Variants in DPP10 observed in about 807,000 individuals in gnomAD.
DPP10 encodes the protein dipeptidyl peptidase like 10.
DPP10 carries 33 observed loss-of-function variants against 120.9 expected under a neutral mutation model. The observed-to-expected ratio is 0.27, with a 90% CI of 0.21 to 0.37. The LOEUF (loss-of-function observed/expected upper bound fraction) is 0.37, where lower values mean the gene tolerates loss of function less well. Ranked by LOEUF, DPP10 falls within the 10% of genes least tolerant of loss-of-function variation. The pLI is 1.00. For synonymous variants in DPP10, 337 were observed against 326.1 expected (o/e 1.03, Z -0.36); for missense variants, 816 against 942.8 (o/e 0.87, Z 1.76).
At chr2:115,435,550 A>AT (rs1215244123) in intron 3 of DPP10, among the ~76,000 whole-genome samples, 9 of 151,154 alleles carry the variant, frequency 6.0e-5, no homozygotes, top group Middle Eastern at 3.4e-3. Flanking sequence ...ATTATTATTG[A>AT]TTTTTTTTGC....
rs759308381 is a variant in DPP10 at position 115,814,962 on chromosome 2, G to A, written c.1870G>A (p.Val624Ile). 6.2e-7 allele frequency: 1 copy of A among 1,608,876 alleles called. No homozygotes were observed. The highest frequency in any genetic ancestry group is 8.5e-7 in the Non-Finnish European group (1 of 1,175,928). ...TCATCGAAGATTAGGTTCAGTAGAA[G>A]TAAAGGACCAAATAACAGCTGTGAA... ...EIHRRLGSVEVKDQITAVKFL... is the reference protein window; with the variant it reads ...EIHRRLGSVEIKDQITAVKFL... Residue 624 changes from valine (V) to isoleucine (I), a missense_variant, in exon 20 of 26, where the codon GTA (valine) becomes ATA (isoleucine). Physicochemically the swap from Val to Ile is conservative, Grantham distance 29. Coordinates refer to ENST00000410059, the MANE Select transcript of DPP10 (RefSeq NM_020868.6).
At chr2:114,673,425 C>T (rs1029605609) in intron 1 of DPP10, among the ~76,000 whole-genome samples, 6 of 151,924 alleles carry the variant, frequency 3.9e-5, no homozygotes, top group Non-Finnish European at 8.8e-5. Context: ...TTACCTTTTT[C>T]TTTTTTCTTT....
In DPP10 at chr2:115,483,492, T is replaced by TGTATGC. The variant is rs1438302657; in HGVS notation, c.272-16016_272-16015insATGCGT. ...CTATCTATCTATCTGTATGTGTATGTGTGTGCATTTGTGTCTGTGTGTGTA... is the reference window on the plus strand; with the variant it reads ...CTATCTATCTATCTGTATGTGTATGTGTATGCGTGTGCATTTGTGTCTGTGTGTGTA... On this transcript the variant is annotated intron_variant, in intron 3 of 25. Transcript: ENST00000410059. Among the ~76,000 whole-genome samples the TGTATGC allele has an allele frequency of 9.9e-5, 15 of 152,088 alleles. No homozygotes were observed. The South Asian group carries it at 1.9e-3, about 19-fold the overall frequency.
intron 1 of DPP10, among the ~76,000 whole-genome samples, chr2:114,541,206 C>T (rs1686922853): frequency 6.6e-6 from 1 of 152,162 alleles, no homozygotes; most frequent in African/African-American, 2.4e-5. Context: ...ACAGGAATCT[C>T]TTCTAAAGTT....
At chr2:114,559,370 C>A (rs927128140) in intron 1 of DPP10, among the ~76,000 whole-genome samples, 1 of 152,130 alleles carries the variant, frequency 6.6e-6, no homozygotes. Context: ...ATGTGAACAA[C>A]CCCTAGAAGT....
chr2:114,521,740 A>G (rs993591914), intron 1 of DPP10, among the ~76,000 whole-genome samples: 26 of 151,988 alleles, frequency 1.7e-4, no homozygotes, highest in Non-Finnish European at 2.6e-4. Flanking sequence ...AAAATTCTTC[A>G]TGGCAGAATT....
intron 1 of DPP10, among the ~76,000 whole-genome samples, chr2:114,694,163 A>T (rs1699929891): frequency 6.6e-6 from 1 of 151,908 alleles, no homozygotes; most frequent in African/African-American, 2.4e-5. Context: ...TATTTTATTA[A>T]TTTTTAGAAT....
intron 21 of DPP10, among the ~76,000 whole-genome samples, chr2:115,828,551 T>C (rs1012102514): frequency 6.6e-6 from 1 of 152,032 alleles, no homozygotes; most frequent in African/African-American, 2.4e-5. Flanking sequence ...ATTTTTTTTT[T>C]AAAAGCATGC....
chr2:115,233,411 A>G (rs1011850954), intron 1 of DPP10, among the ~76,000 whole-genome samples: 7 of 152,154 alleles, frequency 4.6e-5, no homozygotes, highest in African/African-American at 1.7e-4. Context: ...AATGCAGTCT[A>G]AGAATGCAGT....
chr2:114,725,202 T>C (rs1264769251), intron 1 of DPP10, among the ~76,000 whole-genome samples: 1 of 152,222 alleles, frequency 6.6e-6, no homozygotes, highest in African/African-American at 2.4e-5. Context: ...AACTCTTCCA[T>C]TAAAATTATA....
chr2:115,570,111 G>C (rs974039565), intron 5 of DPP10, among the ~76,000 whole-genome samples: 23 of 152,114 alleles, frequency 1.5e-4, no homozygotes, highest in African/African-American at 5.1e-4. Flanking sequence ...TGCTTTCTGA[G>C]GAGTCTTTAT....
chr2:114,731,771 C>A (rs112653173), intron 1 of DPP10, among the ~76,000 whole-genome samples: 22 of 152,126 alleles, frequency 1.4e-4, no homozygotes, highest in African/African-American at 5.3e-4. Context: ...CAATGAGCAC[C>A]AATGAGAAGG....
chr2:114,703,315 A>G (rs369750634), intron 1 of DPP10, among the ~76,000 whole-genome samples: 1 of 152,334 alleles, frequency 6.6e-6, no homozygotes. Flanking sequence ...AAACAAATAT[A>G]CTTTTTAAAA....
chr2:115,836,717 A>C lies in DPP10; in HGVS notation c.2153A>C (p.Asn718Thr), dbSNP rs780215009. ...LHNVHGLKEE[N>T]ILIIHGTADT... ...AATGTTCATGGCTTGAAAGAAGAAA[A>C]TATATTAATAATTCATGGAACTGCT... Residue 718 changes from asparagine to threonine, a missense_variant, in exon 24 of 26, where the codon AAT becomes ACT. Around this residue, in one of 3 missense-constraint regions of DPP10, gnomAD observed 592 missense variants for 649.0 expected, o/e 0.91. Transcript: ENST00000410059. 6.2e-7 allele frequency: 1 copy of C among 1,613,192 alleles called. No individual in the cohort carries two copies. Among genetic ancestry groups the C allele is most frequent in the Admixed American group, 1.7e-5 (1 of 59,894 alleles).
At chr2:115,800,980 T>C (rs1202209101) in intron 19 of DPP10, among the ~76,000 whole-genome samples, 7 of 152,314 alleles carry the variant, frequency 4.6e-5, no homozygotes, top group Non-Finnish European at 8.8e-5. Context: ...AGAAAGTCAT[T>C]GGTAGCTTGA....
chr2:115,551,130 G>A (rs566063640), intron 5 of DPP10, among the ~76,000 whole-genome samples: 2 of 151,952 alleles, frequency 1.3e-5, no homozygotes, highest in Non-Finnish European at 2.9e-5. Flanking sequence ...GGTAACCTTA[G>A]CACTCACAAT....
chr2:114,912,938 G>A (rs1456832601), intron 1 of DPP10, among the ~76,000 whole-genome samples: 2 of 152,174 alleles, frequency 1.3e-5, no homozygotes, highest in Non-Finnish European at 2.9e-5. Context: ...CATCCTCCAA[G>A]GCTTGCCATG....
chr2:115,210,152 T>C (rs2056410356), intron 1 of DPP10, among the ~76,000 whole-genome samples: 1 of 152,168 alleles, frequency 6.6e-6, no homozygotes, highest in African/African-American at 2.4e-5. Context: ...GTATATCTCC[T>C]AATGCTATCC....
At chr2:115,408,506 A>G (rs1408366071) in intron 3 of DPP10, among the ~76,000 whole-genome samples, 1 of 152,038 alleles carries the variant, frequency 6.6e-6, no homozygotes, top group Non-Finnish European at 1.5e-5. Context: ...TATTTTACAC[A>G]ACTGTAAAAT....
Sources: gnomAD v4.1 joint callset for allele counts (sites outside exome capture counted in the v4.1 genomes callset) on GRCh38, gnomAD v4.1.1 for gene constraint, gnomAD v4.1.1 regional missense constraint, MANE v1.5 for transcripts, NCBI Gene and HGNC (gene_info 2026-07-23, HGNC 2026-07-21) for gene names.